Variants in UNC80 observed in about 807,000 individuals in gnomAD.
UNC80 encodes the protein protein unc-80 homolog.
A neutral mutation model predicts 384.6 loss-of-function variants in UNC80; 164 were observed. The observed-to-expected ratio is 0.43, with a 90% CI of 0.38 to 0.49. The LOEUF is 0.49. Among genes scored for constraint, UNC80 ranks in the 20% least tolerant of loss-of-function variants. The pLI is 0.00. For synonymous variants in UNC80, 1,486 were observed against 1,527.8 expected, an observed-to-expected ratio of 0.97 and a Z score of 0.64; for missense variants, 3,330 against 4,143.0, an observed-to-expected ratio of 0.80 and a Z score of 5.39.
At chr2:209,938,293 A>G (rs1048163644) in intron 42 of UNC80, among the ~76,000 whole-genome samples, 4 of 152,216 alleles carry the variant, frequency 2.6e-5, no homozygotes, top group Admixed American at 6.5e-5. Context: ...AAATGATACA[A>G]TTTTAATATT....
chr2:209,901,796 A>G (rs2087438707), intron 28 of UNC80, among the ~76,000 whole-genome samples: 1 of 151,958 alleles, frequency 6.6e-6, no homozygotes, highest in Non-Finnish European at 1.5e-5. Flanking sequence ...GGGCGTGGTG[A>G]CGGGCACCTG....
rs190898306 is a variant in UNC80 at position 209,863,407 on chromosome 2, G to A, written c.3628-9351G>A. Among the ~76,000 whole-genome samples, 173 of 152,220 alleles carry A rather than the reference G, an allele frequency of 1.1e-3. 1 individual carries two copies. Among genetic ancestry groups the A allele is most frequent in the Non-Finnish European group, 6.9e-4 (47 of 68,032 alleles). On this transcript the variant is annotated intron_variant, in intron 22 of 64. Coordinates refer to ENST00000673920, the MANE Select transcript of UNC80 (RefSeq NM_001371986.1). ...CTTGCTAGGTTGGGGAGGTTCTCCC[G>A]CATAATATCCGGAAGTGTGTTTTCC...
At chr2:209,886,598 A>T (rs1559265728) in intron 25 of UNC80, among the ~76,000 whole-genome samples, 1 of 152,108 alleles carries the variant, frequency 6.6e-6, no homozygotes, top group Non-Finnish European at 1.5e-5. Flanking sequence ...GTTCAGCCTC[A>T]GATGGTGATG....
chr2:209,812,822 G>A (rs773768997), intron 7 of UNC80, among the ~76,000 whole-genome samples: 3 of 152,110 alleles, frequency 2.0e-5, no homozygotes, highest in Non-Finnish European at 4.4e-5. Context: ...ATTAATCTGA[G>A]TAATTTCTTA....
chr2:209,874,937 A>G (rs1056035216), intron 23 of UNC80, among the ~76,000 whole-genome samples: 10 of 152,128 alleles, frequency 6.6e-5, no homozygotes, highest in Admixed American at 5.9e-4. Context: ...TGAGATGCCA[A>G]CCTTTGAGCA....
At chr2:209,933,053 T>A (rs1243849936) in intron 38 of UNC80, among the ~76,000 whole-genome samples, 5 of 152,060 alleles carry the variant, frequency 3.3e-5, no homozygotes, top group South Asian at 4.1e-4. Flanking sequence ...GAAAAAAAAA[T>A]TTACACTATT....
intron 24 of UNC80, among the ~76,000 whole-genome samples, chr2:209,880,156 G>A (rs890077960): frequency 2.0e-5 from 3 of 152,020 alleles, no homozygotes; most frequent in African/African-American, 4.8e-5. Flanking sequence ...TGTGTCATCA[G>A]TTGTGATGAC....
Position 209,967,428 on chromosome 2 carries a change from A to G in UNC80, c.7806-9A>G. 2 of 1,538,668 alleles carry G rather than the reference A, an allele frequency of 1.3e-6. No homozygotes were observed. The highest frequency in any genetic ancestry group is 1.2e-5 in the South Asian group (1 of 83,118). On this transcript the variant is annotated splice_polypyrimidine_tract_variant and intron_variant, in intron 51 of 64. Transcript: ENST00000673920. ...CTTTAAAATATATATACATATATAT[A>G]TATTTTAGGTTGGCAGAAATTGCAC...
chr2:209,911,115 CAG>C (rs900995901), intron 29 of UNC80, among the ~76,000 whole-genome samples: 1 of 152,122 alleles, frequency 6.6e-6, no homozygotes, highest in African/African-American at 2.4e-5. Flanking sequence ...CAGCCCTTCA[CAG>C]GGCGGCAGGA....
intron 22 of UNC80, among the ~76,000 whole-genome samples, chr2:209,866,488 C>CAAA (rs1559226539): frequency 1.6e-4 from 17 of 106,692 alleles, no homozygotes; most frequent in Admixed American, 4.0e-4. Context: ...CAAAATGCAC[C>CAAA]CCCACACACA....
Position 209,976,815 on chromosome 2 carries a change from A to G in UNC80, c.8773-98A>G, listed in dbSNP as rs1226516379. The G allele has an allele frequency of 5.3e-6, 7 of 1,319,652 alleles. No individual in the cohort carries two copies. In the Admixed American group the frequency reaches 1.9e-4, roughly 36 times the overall value. 81.7% of individuals were successfully genotyped at this position (1,319,652 alleles called of 1,614,324 possible). A position where few individuals can be genotyped will look rare whatever the true frequency, so the allele number is the denominator to read the frequency against. On this transcript the variant is annotated intron_variant, in intron 57 of 64. Coordinates refer to ENST00000673920, the MANE Select transcript of UNC80 (RefSeq NM_001371986.1). The surrounding 1 kb of genome is among the most constrained non-coding windows in gnomAD (Gnocchi z 4.3). Reference sequence around the variant, plus strand: ...CCGTTCTAGGAACATCACATGCATTACCTTATTTATTCCTCACAACAATGA... The same window carrying G: ...CCGTTCTAGGAACATCACATGCATTGCCTTATTTATTCCTCACAACAATGA...
chr2:209,870,863 T>C (rs567076356), intron 22 of UNC80, among the ~76,000 whole-genome samples: 1 of 152,260 alleles, frequency 6.6e-6, no homozygotes. Flanking sequence ...GGTAACTAAC[T>C]GAATCCTGAA....
intron 49 of UNC80, among the ~76,000 whole-genome samples, chr2:209,958,761 T>G (rs2092495458): frequency 6.6e-6 from 1 of 152,202 alleles, no homozygotes; most frequent in Non-Finnish European, 1.5e-5. Flanking sequence ...GCCATGATTC[T>G]CCTTCCTGTC....
intron 36 of UNC80, among the ~76,000 whole-genome samples, chr2:209,927,770 A>T (rs2090550553): frequency 6.6e-6 from 1 of 152,202 alleles, no homozygotes; most frequent in Admixed American, 6.5e-5. Context: ...AGCTTTTGAC[A>T]CAGATTTGGC....
intron 1 of UNC80, 87 bp downstream of exon 1, chr2:209,772,251 C>A: frequency 1.5e-6 from 1 of 654,758 alleles, no homozygotes; most frequent in Non-Finnish European, 2.1e-6. Flanking sequence ...GCCGCCGCCG[C>A]TGAGGCCGCG....
chr2:209,993,127 T>G (rs555133667), intron 62 of UNC80, among the ~76,000 whole-genome samples, 188 bp from the exon 63 acceptor site: 5 of 152,328 alleles, frequency 3.3e-5, no homozygotes, highest in African/African-American at 9.6e-5. Context: ...GGACTAATAA[T>G]TGGGAGATGA....
intron 22 of UNC80, among the ~76,000 whole-genome samples, chr2:209,855,947 T>C (rs1574758587): frequency 6.6e-6 from 1 of 152,122 alleles, no homozygotes; most frequent in South Asian, 2.1e-4. Context: ...AATGCCCTTA[T>C]TAATATTTTT....
chr2:209,857,484 T>C (rs2083019935), intron 22 of UNC80, among the ~76,000 whole-genome samples: 3 of 152,224 alleles, frequency 2.0e-5, no homozygotes, highest in Admixed American at 6.5e-5. Context: ...ATTTCTAAAA[T>C]TGTTTCCAGT....
At chr2:209,913,616 C>A (rs1394307351) in intron 30 of UNC80, among the ~76,000 whole-genome samples, 186 bp from the exon 31 acceptor site, 1 of 151,974 alleles carries the variant, frequency 6.6e-6, no homozygotes, top group Admixed American at 6.6e-5. Context: ...TCTAATTATG[C>A]TTCAGTTATA....
Sources: allele counts gnomAD v4.1 joint callset (sites outside exome capture counted in the v4.1 genomes callset), GRCh38; gene constraint gnomAD v4.1.1; non-coding constraint Gnocchi (gnomAD v3.1); transcripts MANE v1.5; gene names NCBI Gene and HGNC (gene_info 2026-07-23, HGNC 2026-07-21).